Variants in CA5A observed in about 807,000 individuals in gnomAD.
CA5A encodes the protein carbonic anhydrase 5A, mitochondrial.
CA5A carries 28 observed loss-of-function variants against 37.1 expected under a neutral mutation model. The observed-to-expected ratio is 0.75, with a 90% CI of 0.56 to 1.03. The LOEUF (loss-of-function observed/expected upper bound fraction) is 1.03, where lower values mean the gene tolerates loss of function less well. Among genes scored for constraint, CA5A ranks in the 50% least tolerant of loss-of-function variants. The probability of loss-of-function intolerance (pLI) is 0.00; values close to 1 mark genes in which losing one functional copy is unlikely to be tolerated. For synonymous variants in CA5A, 171 were observed against 158.4 expected (o/e 1.08, Z -0.60); for missense variants, 444 against 399.9 (o/e 1.11, Z -0.94).
At chr16:87,930,925 G>C (rs2056393946) in intron 1 of CA5A, among the ~76,000 whole-genome samples, 2 of 151,866 alleles carry the variant, frequency 1.3e-5, no homozygotes, top group Non-Finnish European at 2.9e-5. Flanking sequence ...ATTTTTAGTA[G>C]AGACGGGGTT....
intron 2 of CA5A, among the ~76,000 whole-genome samples, chr16:87,909,692 C>G: frequency 6.6e-6 from 1 of 152,208 alleles, no homozygotes; most frequent in East Asian, 1.9e-4. Context: ...ACACCTTGAG[C>G]CTCTTTCAAG....
intron 6 of CA5A, among the ~76,000 whole-genome samples, chr16:87,890,427 G>T (rs1349993820): frequency 6.6e-6 from 1 of 152,088 alleles, no homozygotes; most frequent in African/African-American, 2.4e-5. Context: ...CCCTCTAAGA[G>T]CTCACCTGGA....
chr16:87,919,228 G>T (rs1439750300), intron 2 of CA5A, among the ~76,000 whole-genome samples: 1 of 152,248 alleles, frequency 6.6e-6, no homozygotes, highest in Non-Finnish European at 1.5e-5. Flanking sequence ...AGGGGCCGAG[G>T]TCAGCTCGGG....
chr16:87,933,402 G>A (rs1214352826), intron 1 of CA5A, among the ~76,000 whole-genome samples: 1 of 152,120 alleles, frequency 6.6e-6, no homozygotes, highest in Non-Finnish European at 1.5e-5. Context: ...TCTTAGACAG[G>A]GTCCTGCTGT....
At chr16:87,893,139 T>C (rs2055749093) in intron 5 of CA5A, 5 of 520,014 alleles carry the variant, frequency 9.6e-6, no homozygotes, top group Non-Finnish European at 1.3e-5. Flanking sequence ...TCTTTCTTTC[T>C]TTCTTTCTTT....
chr16:87,886,849 T>C (rs1205362797), downstream of CA5A: 1 of 152,252 alleles, frequency 6.6e-6, no homozygotes, highest in African/African-American at 2.4e-5. Context: ...ATTGGTTGAT[T>C]TGTCCTTCTC....
intron 1 of CA5A, among the ~76,000 whole-genome samples, chr16:87,932,900 T>A (rs1385292351): frequency 6.6e-6 from 1 of 152,220 alleles, no homozygotes; most frequent in Non-Finnish European, 1.5e-5. Context: ...GTGACCTGCT[T>A]TGACCACTGG....
chr16:87,893,139 TTTCTTTC>T, intron 5 of CA5A: 1 of 520,014 alleles, frequency 1.9e-6, no homozygotes, highest in Non-Finnish European at 3.3e-6. Flanking sequence ...TCTTTCTTTC[TTTCTTTC>T]TTTTTTTTTT....
chr16:87,929,774 A>G (rs988403887), intron 1 of CA5A, among the ~76,000 whole-genome samples: 10 of 147,150 alleles, frequency 6.8e-5, no homozygotes, highest in African/African-American at 2.5e-4. Flanking sequence ...CGGGAGGCTG[A>G]GGCAGCAGAA....
intron 2 of CA5A, among the ~76,000 whole-genome samples, chr16:87,910,317 G>A (rs142712535): frequency 0.028 from 4,243 of 152,252 alleles, 202 homozygotes; most frequent in African/African-American, 0.097. Context: ...TGGGCATTGC[G>A]AGGTAACTTT....
At chr16:87,885,871 G>T (rs2143881212), downstream of CA5A, 1 of 152,430 alleles carries the variant, frequency 6.6e-6, no homozygotes, top group Non-Finnish European at 1.5e-5. Context: ...CTTTCTGTGT[G>T]GATGCATCAT....
rs2056042589 is a variant in CA5A at position 87,911,032 on chromosome 16, AGCCACTGT to A, written c.341-6136_341-6129del. ...CCCAAGTGCTGGGATTACAAGCATG[AGCCACTGT>A]GCCCAGCCTAAAGTGACTTTTCATA... On this transcript the variant is annotated intron_variant, in intron 2 of 6. Coordinates refer to ENST00000649794, the MANE Select transcript of CA5A (RefSeq NM_001739.2). The surrounding 1 kb of genome is among the most constrained non-coding windows in gnomAD (Gnocchi z 4.6). Among the ~76,000 whole-genome samples the A allele has an allele frequency of 1.3e-5, 2 of 150,798 alleles. No homozygotes were observed. The highest frequency in any genetic ancestry group is 4.9e-5 in the African/African-American group (2 of 40,858).
chr16:87,910,460 G>T (rs890510627), intron 2 of CA5A, among the ~76,000 whole-genome samples: 5 of 152,184 alleles, frequency 3.3e-5, no homozygotes, highest in Non-Finnish European at 5.9e-5. Context: ...CCTCACCCAG[G>T]TCTGACGGTC....
intron 1 of CA5A, among the ~76,000 whole-genome samples, chr16:87,930,749 T>C (rs1296188105): frequency 6.7e-6 from 1 of 148,678 alleles, no homozygotes; most frequent in East Asian, 2.0e-4. Context: ...TTTTTTTTTT[T>C]TTCTTTTTTG....
chr16:87,889,725 C>T (rs2055686353), intron 6 of CA5A, among the ~76,000 whole-genome samples: 1 of 151,928 alleles, frequency 6.6e-6, no homozygotes, highest in African/African-American at 2.4e-5. Flanking sequence ...TGAGCGAGAT[C>T]ACGCCATTGC....
Position 87,917,639 on chromosome 16 carries a change from A to G in CA5A, c.340+9109T>C, listed in dbSNP as rs1247536482. Among the ~76,000 whole-genome samples the G allele has an allele frequency of 5.3e-5, 8 of 149,642 alleles. No individual in the cohort carries two copies. The East Asian group carries it at 6.1e-4, about 11-fold the overall frequency. ...TGCACACACAAACACACATGTGCGC[A>G]CACACATGAACACACGTGCACATAG... On this transcript the variant is annotated intron_variant, in intron 2 of 6. Coordinates refer to ENST00000649794, the MANE Select transcript of CA5A (RefSeq NM_001739.2).
intron 2 of CA5A, among the ~76,000 whole-genome samples, chr16:87,909,443 C>T (rs1423289870): frequency 6.6e-6 from 1 of 152,236 alleles, no homozygotes; most frequent in Non-Finnish European, 1.5e-5. Flanking sequence ...GTTCGTTCTT[C>T]TAAGAGGATA....
At chr16:87,929,099 C>T (rs1038295030) in intron 1 of CA5A, among the ~76,000 whole-genome samples, 8 of 147,632 alleles carry the variant, frequency 5.4e-5, no homozygotes, top group Admixed American at 3.4e-4. Context: ...AAATTCCTAA[C>T]CACAGAATCA....
intron 2 of CA5A, among the ~76,000 whole-genome samples, chr16:87,914,174 G>A (rs555224371): frequency 1.3e-5 from 2 of 152,324 alleles, no homozygotes; most frequent in East Asian, 1.9e-4. Context: ...GGAACTTCTC[G>A]TATGGAGCAG....
Sources: gnomAD v4.1 joint callset for allele counts (sites outside exome capture counted in the v4.1 genomes callset) on GRCh38, gnomAD v4.1.1 for gene constraint, Gnocchi (gnomAD v3.1) non-coding constraint, MANE v1.5 for transcripts, NCBI Gene and HGNC (gene_info 2026-07-23, HGNC 2026-07-21) for gene names.